KLHL31: variants seen among roughly 807,000 people sequenced by gnomAD.
KLHL31 encodes kelch like family member 31, also known as kelch-like protein 31.
A neutral mutation model predicts 47.1 loss-of-function variants in KLHL31; 32 were observed. That is an observed-to-expected ratio of 0.68 (90% CI 0.51 to 0.91). The LOEUF (loss-of-function observed/expected upper bound fraction) is 0.91. Ranked by LOEUF, KLHL31 falls within the 40% of genes least tolerant of loss-of-function variation. The probability of loss-of-function intolerance (pLI) is 0.00; values close to 1 mark genes in which losing one functional copy is unlikely to be tolerated. For synonymous variants in KLHL31, 330 were observed against 325.1 expected, an observed-to-expected ratio of 1.01 and a Z score of -0.16; for missense variants, 797 against 819.3, an observed-to-expected ratio of 0.97 and a Z score of 0.33.
chr6:53,658,897 G>A (rs116349388), intron 1 of KLHL31, among the ~76,000 whole-genome samples: 3,015 of 152,040 alleles, frequency 0.02, 99 homozygotes, highest in African/African-American at 0.068. Context: ...CTTATCTACC[G>A]TGTGACTTTT....
chr6:53,658,536 A>C (rs1381542860), intron 1 of KLHL31, among the ~76,000 whole-genome samples: 2 of 152,110 alleles, frequency 1.3e-5, no homozygotes, highest in Non-Finnish European at 2.9e-5. Flanking sequence ...CCTAAGGTAC[A>C]CTGTGTAATT....
At chr6:53,653,748 C>T (rs1400418827) in intron 2 of KLHL31, among the ~76,000 whole-genome samples, 1 of 152,112 alleles carries the variant, frequency 6.6e-6, no homozygotes, top group Non-Finnish European at 1.5e-5. Context: ...TATCTAATTT[C>T]TATCAAAAGT....
rs1010796393 is a variant in KLHL31, at chr6:53,648,130, C to A, written c.*3468G>T. ...TCCCTGAGAGGGCAAATTAAATGGT[C>A]TTTACCCAGTGAATGTGCTGGAGGG... On this transcript the variant is annotated 3_prime_UTR_variant, in exon 3 of 3. Coordinates refer to ENST00000370905, the MANE Select transcript of KLHL31 (RefSeq NM_001003760.5). 5 of 152,568 alleles carry A rather than the reference C, an allele frequency of 3.3e-5. No homozygotes were observed. Among genetic ancestry groups the A allele is most frequent in the Non-Finnish European group, 5.9e-5 (4 of 68,010 alleles). The allele number at this position is 152,568 out of a possible 1,614,324, so 9.5% of individuals were successfully genotyped here.
intron 2 of KLHL31, 147 bp from the exon 3 acceptor site, chr6:53,652,477 T>C: frequency 3.3e-6 from 3 of 915,914 alleles, no homozygotes; most frequent in Non-Finnish European, 5.0e-6. Flanking sequence ...GGCTGGAGTT[T>C]CTCTCTCAGC....
At chr6:53,655,609 C>CTTTTTTTTTTTTTTTTTTTTTTTTCT (rs11358787) in intron 1 of KLHL31, among the ~76,000 whole-genome samples, 1 of 114,262 alleles carries the variant, frequency 8.8e-6, no homozygotes, top group Non-Finnish European at 1.9e-5. Flanking sequence ...TTCTTTTTTT[C>CTTTTTTTTTTTTTTTTTTTTTTTTCT]TTTTTTTTTT....
intron 1 of KLHL31, 78 bp from the exon 2 acceptor site, chr6:53,655,383 T>G (rs139214118): frequency 7.4e-4 from 473 of 643,510 alleles, no homozygotes; most frequent in Non-Finnish European, 1.0e-3. Flanking sequence ...AGAAACTTTT[T>G]CAAAAGATAA....
chr6:53,655,050 A>C lies in KLHL31; in HGVS notation c.223T>G (p.Leu75Val). 1 of 1,614,160 alleles carries C rather than the reference A, an allele frequency of 6.2e-7. No homozygotes were observed. The highest frequency in any genetic ancestry group is 8.5e-7 in the Non-Finnish European group (1 of 1,180,020). ...KMRQENFLCD[L>V]VIGTKTKSFD... ...GATTTGGTTTTGGTACCAATGACTA[A>C]GTCACATAGGAAGTTCTCCTGCCGC... The change falls in exon 2 of 3, where the codon TTA becomes GTA. Residue 75 changes from leucine (L) to valine (V), a missense_variant. Transcript: ENST00000370905.
At chr6:53,656,582 A>G (rs1389325104) in intron 1 of KLHL31, among the ~76,000 whole-genome samples, 1 of 152,110 alleles carries the variant, frequency 6.6e-6, no homozygotes, top group African/African-American at 2.4e-5. Flanking sequence ...AAGTATATAT[A>G]TTAAGATAAA....
In KLHL31 at chr6:53,648,582, C is replaced by G. The variant is rs1475561335; in HGVS notation, c.*3016G>C. 1 of 152,160 alleles carries G rather than the reference C, an allele frequency of 6.6e-6. No homozygotes were observed. Among genetic ancestry groups the G allele is most frequent in the Non-Finnish European group, 1.5e-5 (1 of 68,020 alleles). 9.4% of individuals were successfully genotyped at this position (152,160 alleles called of 1,614,324 possible). On this transcript the variant is annotated 3_prime_UTR_variant, in exon 3 of 3. Transcript: ENST00000370905. ...CCTTAAATCATAGAACCATTCAGTACTCACTTCCTCATGACATCAATTATA... is the reference window on the plus strand; with the variant it reads ...CCTTAAATCATAGAACCATTCAGTAGTCACTTCCTCATGACATCAATTATA...
At chr6:53,655,353 G>C in intron 1 of KLHL31, 48 bp from the exon 2 acceptor site, 1 of 951,520 alleles carries the variant, frequency 1.1e-6, no homozygotes, top group South Asian at 2.0e-5. Context: ...TTGTGCTTTA[G>C]ACTTTGAAAT....
At position 53,649,367 on chromosome 6, in the gene KLHL31, T is replaced by C. The variant is rs1400795086; in HGVS notation, c.*2231A>G. On this transcript the variant is annotated 3_prime_UTR_variant, in exon 3 of 3. Transcript: ENST00000370905. ...AACAGCAATGCACCCAAGAGTCTGG[T>C]AAGCTCAAATATGTGGATTTTCTGA... The C allele has an allele frequency of 6.6e-6, 1 of 152,146 alleles. No homozygotes were observed. Among genetic ancestry groups the C allele is most frequent in the Admixed American group, 6.5e-5 (1 of 15,282 alleles). The allele number at this position is 152,146 out of a possible 1,614,324, so 9.4% of individuals were successfully genotyped here.
In KLHL31 at chr6:53,654,974, T is replaced by G. The variant is rs201002095; in HGVS notation, c.299A>C (p.Asn100Thr). The stretch of plus-strand genomic sequence containing the variant: ...AATTGACGGGTCTTTTTTTAGGATG[T>G]TGTAAAAATACTCACTGCATGAAGC... Reference protein sequence around the residue: ...VMASCSEYFYNILKKDPSIQR... With the variant: ...VMASCSEYFYTILKKDPSIQR... The change falls in exon 2 of 3, where the codon AAC becomes ACC. Residue 100 changes from asparagine (N) to threonine (T), a missense_variant. Physicochemically the swap from Asn to Thr is moderately conservative, Grantham distance 65 (BLOSUM62 0). Coordinates refer to ENST00000370905, the MANE Select transcript of KLHL31 (RefSeq NM_001003760.5). 6.2e-7 allele frequency: 1 copy of G among 1,614,212 alleles called. No homozygotes were observed. The highest frequency in any genetic ancestry group is 2.2e-5 in the East Asian group (1 of 44,882).
intron 1 of KLHL31, among the ~76,000 whole-genome samples, chr6:53,660,965 A>G (rs1302766277): frequency 1.3e-5 from 2 of 152,212 alleles, no homozygotes; most frequent in Non-Finnish European, 2.9e-5. Context: ...AAGGCTGTCC[A>G]TCTACCCACC....
chr6:53,655,343 T>C (rs1764545574), intron 1 of KLHL31, 38 bp from the exon 2 acceptor site: 1 of 1,119,202 alleles, frequency 8.9e-7, no homozygotes, highest in Non-Finnish European at 1.2e-6. Flanking sequence ...TTTGTTTTAA[T>C]TGTGCTTTAG....
rs1281679062 is a variant in KLHL31, at chr6:53,654,055, C to G, written c.1172+46G>C. 3 of 1,464,880 alleles carry G rather than the reference C, an allele frequency of 2.0e-6. No homozygotes were observed. In the Admixed American group the frequency reaches 6.4e-5, roughly 31 times the overall value. 90.7% of individuals were successfully genotyped at this position (1,464,880 alleles called of 1,614,324 possible). On this transcript the variant is annotated intron_variant, in intron 2 of 2. Transcript: ENST00000370905. Reference sequence around the variant, plus strand: ...ATTTACTTCTATGTTAGGGCTATTTCCCTATAATATTGAGCCATTTCAGTT... The same window carrying G: ...ATTTACTTCTATGTTAGGGCTATTTGCCTATAATATTGAGCCATTTCAGTT...
Position 53,660,302 on chromosome 6 carries a change from A to G in KLHL31, c.-33-4997T>C, listed in dbSNP as rs147099611. ...TGGGTGTAATGTTCTATAAATATCA[A>G]TTAAATCAGGGCAATTGATAATGTT... is the stretch of plus-strand genomic sequence containing the variant. On this transcript the variant is annotated intron_variant, in intron 1 of 2. Transcript: ENST00000370905. Among the ~76,000 whole-genome samples, 541 of 152,300 alleles carry G rather than the reference A, an allele frequency of 3.6e-3. 1 individual carries two copies. Among genetic ancestry groups the G allele is most frequent in the Non-Finnish European group, 5.2e-3 (353 of 68,020 alleles).
At chr6:53,663,497 A>C (rs1764676474) in intron 1 of KLHL31, among the ~76,000 whole-genome samples, 1 of 152,256 alleles carries the variant, frequency 6.6e-6, no homozygotes, top group South Asian at 2.1e-4. Flanking sequence ...TCTGTTTATC[A>C]GATAATCAAG....
At chr6:53,656,752 A>T (rs1470261451) in intron 1 of KLHL31, among the ~76,000 whole-genome samples, 1 of 152,014 alleles carries the variant, frequency 6.6e-6, no homozygotes. Context: ...CAAGCTAGGG[A>T]TCTTGTTTTT....
chr6:53,654,724 G>A lies in KLHL31; in HGVS notation c.549C>T (p.Ser183=). The A allele has an allele frequency of 6.2e-7, 1 of 1,614,094 alleles. No homozygotes were observed. Among genetic ancestry groups the A allele is most frequent in the East Asian group, 2.2e-5 (1 of 44,876 alleles). The change falls in exon 2 of 3, where the codon TCC becomes TCT. Residue 183 remains serine, a synonymous_variant. Transcript: ENST00000370905. The part of the protein sequence containing the change: ...MYVVNIAETY[S]LKNAKAAAQK... ...GGGCTGCTGCTTTTGCATTTTTTAG[G>A]GAGTATGTTTCAGCAATATTAACAA...
Sources: allele counts gnomAD v4.1 joint callset (sites outside exome capture counted in the v4.1 genomes callset), GRCh38; gene constraint gnomAD v4.1.1; transcripts MANE v1.5; gene names NCBI Gene and HGNC (gene_info 2026-07-23, HGNC 2026-07-21).